The following SYNDIG1 variants were observed in gnomAD, a reference collection of about 807,000 sequenced individuals.
The protein encoded by SYNDIG1 is synapse differentiation inducing 1, also known as synapse differentiation-inducing gene protein 1.
A neutral mutation model predicts 19.4 loss-of-function variants in SYNDIG1; 9 were observed. That is an observed-to-expected ratio of 0.46 (90% confidence interval 0.28 to 0.81). SYNDIG1 has a LOEUF of 0.81. Ranked by LOEUF, SYNDIG1 falls within the 30% of genes least tolerant of loss-of-function variation. The pLI, the probability that SYNDIG1 is intolerant of heterozygous loss-of-function variation, is 0.12. For missense variants in SYNDIG1, 311 were observed against 343.3 expected (o/e 0.91, Z 0.74); for synonymous variants, 141 against 145.9 (o/e 0.97, Z 0.24).
chr20:24,601,976 A>T (rs1258951743), intron 3 of SYNDIG1, among the ~76,000 whole-genome samples: 2 of 146,912 alleles, frequency 1.4e-5, no homozygotes, highest in Non-Finnish European at 1.5e-5. Context: ...TGCCAAACCC[A>T]TTATAATATT....
rs144681685 is a variant in SYNDIG1 at position 24,503,547 on chromosome 20, T to C, written c.-79+33794T>C. 2.3e-3 allele frequency among the ~76,000 whole-genome samples: 343 copies of C among 152,248 alleles called. 11 individuals are homozygous for C. The East Asian group carries it at 0.058, about 26-fold the overall frequency. ...TCTGATACGGGATGCAGAGTTCTCA[T>C]AGAAGCAATGAGCGTCACCCCCAAA... On this transcript the variant is annotated intron_variant, in intron 1 of 3. Transcript: ENST00000376862.
In SYNDIG1 at chr20:24,649,562, C is replaced by T. The variant is rs74861164; in HGVS notation, c.619-15784C>T. ...GTCCAGGACAGACACAAAGCTTACT[C>T]GCTGGTTTATTAATATGGGGTGGAG... On this transcript the variant is annotated intron_variant, in intron 3 of 3. Transcript: ENST00000376862. 7.6e-4 allele frequency among the ~76,000 whole-genome samples: 116 copies of T among 152,208 alleles called. 2 individuals carry two copies. In the East Asian group the frequency reaches 0.019, roughly 25 times the overall value.
At chr20:24,515,919 C>T (rs1201570718) in intron 1 of SYNDIG1, among the ~76,000 whole-genome samples, 32 of 152,078 alleles carry the variant, frequency 2.1e-4, no homozygotes, top group South Asian at 4.2e-4. Context: ...GGAGGCATCA[C>T]GCTACCTGAC....
At chr20:24,476,587 G>A (rs916491693) in intron 1 of SYNDIG1, among the ~76,000 whole-genome samples, 2 of 151,718 alleles carry the variant, frequency 1.3e-5, no homozygotes, top group Non-Finnish European at 2.9e-5. Context: ...GGAGAATGGC[G>A]TGAACCTGGG....
At chr20:24,505,399 C>G (rs1242804857) in intron 1 of SYNDIG1, among the ~76,000 whole-genome samples, 1 of 152,140 alleles carries the variant, frequency 6.6e-6, no homozygotes, top group Non-Finnish European at 1.5e-5. Flanking sequence ...TTAGGACCCC[C>G]TCAGCGGGGA....
intron 1 of SYNDIG1, among the ~76,000 whole-genome samples, chr20:24,512,870 A>C (rs547400057): frequency 9.2e-5 from 14 of 152,306 alleles, no homozygotes; most frequent in Non-Finnish European, 1.9e-4. Flanking sequence ...ACTGGGAGGC[A>C]AACCATAGTA....
chr20:24,520,743 A>G (rs2056986404), intron 1 of SYNDIG1, among the ~76,000 whole-genome samples: 1 of 152,096 alleles, frequency 6.6e-6, no homozygotes. Context: ...ACTTGTGTAT[A>G]CTTGCACCTA....
At chr20:24,528,124 C>T (rs941599345) in intron 1 of SYNDIG1, among the ~76,000 whole-genome samples, 4 of 152,182 alleles carry the variant, frequency 2.6e-5, no homozygotes, top group African/African-American at 9.7e-5. Flanking sequence ...AATCCTGAAT[C>T]TAATTTTGTA....
intron 1 of SYNDIG1, among the ~76,000 whole-genome samples, chr20:24,528,956 T>A (rs1458938591): frequency 6.6e-6 from 1 of 151,932 alleles, no homozygotes; most frequent in Non-Finnish European, 1.5e-5. Flanking sequence ...ACATTAAGAG[T>A]GTGAAATCTC....
At chr20:24,600,609 T>C (rs1427483218) in intron 3 of SYNDIG1, among the ~76,000 whole-genome samples, 10 of 149,086 alleles carry the variant, frequency 6.7e-5, no homozygotes, top group Middle Eastern at 3.4e-3. Flanking sequence ...TTCTTTCTTT[T>C]TTTTTTTTTT....
At chr20:24,539,714 G>T (rs2057431689) in intron 1 of SYNDIG1, among the ~76,000 whole-genome samples, 1 of 152,104 alleles carries the variant, frequency 6.6e-6, no homozygotes, top group African/African-American at 2.4e-5. Context: ...GCATGAATAT[G>T]GAATGTCTTC....
At position 24,658,607 on chromosome 20, in the gene SYNDIG1, AC is replaced by A. The variant is rs981752566; in HGVS notation, c.619-6733del. 1.3e-5 allele frequency among the ~76,000 whole-genome samples: 2 copies of A among 148,438 alleles called. No individual in the cohort carries two copies. The highest frequency in any genetic ancestry group is 2.5e-5 in the African/African-American group (1 of 40,050). On this transcript the variant is annotated intron_variant, in intron 3 of 3. Coordinates refer to ENST00000376862, the MANE Select transcript of SYNDIG1 (RefSeq NM_024893.3). This position sits in a 1 kb window ranked among gnomAD's most constrained non-coding sequence, Gnocchi z 4.4. ...CTGACATCGAACCGTGTGGAGTATG[AC>A]CCCCCACCCCCACCCCCCGGCGATT...
At chr20:24,542,775 C>A (rs552087989) in intron 1 of SYNDIG1, among the ~76,000 whole-genome samples, 1 of 152,336 alleles carries the variant, frequency 6.6e-6, no homozygotes, top group South Asian at 2.1e-4. Context: ...TTCCTGCAGT[C>A]TCCTTCATTT....
chr20:24,624,239 G>T (rs1254556876), intron 3 of SYNDIG1, among the ~76,000 whole-genome samples: 1 of 121,414 alleles, frequency 8.2e-6, no homozygotes, highest in African/African-American at 3.1e-5. Context: ...CCGGGTGACA[G>T]AATGAGACTC....
At chr20:24,581,860 G>A (rs1385302996) in intron 2 of SYNDIG1, among the ~76,000 whole-genome samples, 1 of 130,272 alleles carries the variant, frequency 7.7e-6, no homozygotes, top group African/African-American at 2.9e-5. Flanking sequence ...CCCTACTGCA[G>A]GTCCTCACCC....
intron 3 of SYNDIG1, among the ~76,000 whole-genome samples, chr20:24,588,384 T>C (rs955087762): frequency 2.0e-5 from 3 of 152,200 alleles, no homozygotes; most frequent in Non-Finnish European, 4.4e-5. Context: ...AAAGTGTTAG[T>C]GAGGTGGGTA....
intron 1 of SYNDIG1, among the ~76,000 whole-genome samples, chr20:24,507,777 G>A (rs757713255): frequency 1.3e-5 from 2 of 152,222 alleles, no homozygotes; most frequent in Non-Finnish European, 2.9e-5. Flanking sequence ...GGCAGCAGGG[G>A]CCTCCTGCGG....
At chr20:24,641,746 C>T (rs1268943604) in intron 3 of SYNDIG1, among the ~76,000 whole-genome samples, 3 of 152,122 alleles carry the variant, frequency 2.0e-5, no homozygotes, top group Non-Finnish European at 4.4e-5. Context: ...GGATGGAGCA[C>T]GGAGTGTGCA....
rs537047586 is a variant in SYNDIG1 at position 24,615,446 on chromosome 20, G to C, written c.618+30453G>C. On this transcript the variant is annotated intron_variant, in intron 3 of 3. Transcript: ENST00000376862. ...CATCCAGAACCAAGCTCCTGACCCA[G>C]CAAGAGAGGCCACCTCTCTCTAACT... Among the ~76,000 whole-genome samples, 40 of 152,312 alleles carry C rather than the reference G, an allele frequency of 2.6e-4. No individual in the cohort carries two copies. In the South Asian group the frequency reaches 3.7e-3, roughly 14 times the overall value.
Sources: gnomAD v4.1 joint callset for allele counts (sites outside exome capture counted in the v4.1 genomes callset) on GRCh38, gnomAD v4.1.1 for gene constraint, Gnocchi (gnomAD v3.1) non-coding constraint, MANE v1.5 for transcripts, NCBI Gene and HGNC (gene_info 2026-07-23, HGNC 2026-07-21) for gene names.